The following ROBO2 variants were observed in gnomAD, a reference collection of about 807,000 sequenced individuals.
ROBO2 encodes the protein roundabout guidance receptor 2, also known as roundabout homolog 2.
In ROBO2, 53 loss-of-function variants were observed where a neutral mutation model predicts 160.8. The observed-to-expected ratio is 0.33, with a 90% CI of 0.26 to 0.41. ROBO2 has a LOEUF of 0.41. ROBO2 is among the 10% of genes least tolerant of loss of function. The probability of loss-of-function intolerance (pLI) is 1.00; values close to 1 mark genes in which losing one functional copy is unlikely to be tolerated. For missense variants in ROBO2, 1,577 were observed against 1,722.4 expected (o/e 0.92, Z 1.49); for synonymous variants, 664 against 611.7 (o/e 1.09, Z -1.26).
intron 8 of ROBO2, among the ~76,000 whole-genome samples, chr3:77,552,992 A>G (rs1390057138): frequency 1.3e-5 from 2 of 151,970 alleles, no homozygotes; most frequent in South Asian, 2.1e-4. Flanking sequence ...ATGTTCAGAG[A>G]AAGAAGTGAT....
intron 2 of ROBO2, among the ~76,000 whole-genome samples, chr3:76,615,064 A>G (rs979360480): frequency 6.6e-6 from 1 of 152,140 alleles, no homozygotes; most frequent in Non-Finnish European, 1.5e-5. Context: ...TTCTACCAAT[A>G]GGAAATTAAA....
chr3:75,926,206 G>A (rs1430813446), intron 1 of ROBO2, among the ~76,000 whole-genome samples: 1 of 152,100 alleles, frequency 6.6e-6, no homozygotes, highest in African/African-American at 2.4e-5. Context: ...CCTGCACCTT[G>A]GGAAGGCTCT....
At chr3:76,126,411 C>T (rs986666441) in intron 2 of ROBO2, among the ~76,000 whole-genome samples, 18 of 151,976 alleles carry the variant, frequency 1.2e-4, no homozygotes, top group Admixed American at 2.6e-4. Flanking sequence ...GATAGCATAA[C>T]GCTTATTTAG....
rs149904367 is a variant in ROBO2 at position 77,054,092 on chromosome 3, A to G, written c.61+13246A>G. On this transcript the variant is annotated intron_variant, in intron 1 of 25. Coordinates refer to ENST00000461745, the Ensembl canonical transcript of ROBO2. Reference sequence around the variant, plus strand: ...GGCAGAATAGAAACAAGGTTAGTACAAAGAGAGATTCTTTAGGAAGATGCT... The same window carrying G: ...GGCAGAATAGAAACAAGGTTAGTACGAAGAGAGATTCTTTAGGAAGATGCT... Among the ~76,000 whole-genome samples, 391 of 152,310 alleles carry G rather than the reference A, an allele frequency of 2.6e-3. 1 individual carries two copies. Among genetic ancestry groups the G allele is most frequent in the African/African-American group, 9.1e-3 (378 of 41,584 alleles).
chr3:76,352,949 G>A (rs2074964275), intron 2 of ROBO2, among the ~76,000 whole-genome samples: 1 of 151,988 alleles, frequency 6.6e-6, no homozygotes, highest in South Asian at 2.1e-4. Flanking sequence ...GGAAGAAGGT[G>A]TAGAACAACT....
intron 2 of ROBO2, among the ~76,000 whole-genome samples, chr3:76,061,884 G>T (rs544210729): frequency 6.6e-6 from 1 of 152,106 alleles, no homozygotes; most frequent in Non-Finnish European, 1.5e-5. Flanking sequence ...GGGGCCACCC[G>T]CATTCTTTGG....
intron 2 of ROBO2, among the ~76,000 whole-genome samples, chr3:76,905,932 A>G (rs1055632961): frequency 1.3e-5 from 2 of 152,282 alleles, no homozygotes; most frequent in Non-Finnish European, 2.9e-5. Flanking sequence ...TCATCTCTTA[A>G]TGGCTTTATT....
intron 2 of ROBO2, among the ~76,000 whole-genome samples, chr3:77,450,637 G>T (rs187377768): frequency 7.2e-5 from 11 of 152,112 alleles, no homozygotes; most frequent in Admixed American, 1.3e-4. Context: ...ATTATTTGTG[G>T]ATACTTATAC....
At chr3:76,385,283 C>G (rs951821860) in intron 2 of ROBO2, among the ~76,000 whole-genome samples, 1 of 152,178 alleles carries the variant, frequency 6.6e-6, no homozygotes, top group Non-Finnish European at 1.5e-5. Flanking sequence ...TGAACCATCA[C>G]GCCCAGCCTG....
intron 2 of ROBO2, among the ~76,000 whole-genome samples, chr3:76,642,715 T>C (rs2090758882): frequency 1.3e-5 from 2 of 152,070 alleles, no homozygotes; most frequent in South Asian, 4.1e-4. Context: ...AACATAACCA[T>C]GGAAAAAGAA....
intron 5 of ROBO2, among the ~76,000 whole-genome samples, chr3:77,503,205 A>T (rs887341282): frequency 6.6e-6 from 1 of 151,790 alleles, no homozygotes; most frequent in Admixed American, 6.6e-5. Flanking sequence ...CCCACAAAAA[A>T]TTTTAAATAT....
At chr3:76,384,772 T>A (rs2076800533) in intron 2 of ROBO2, among the ~76,000 whole-genome samples, 1 of 152,052 alleles carries the variant, frequency 6.6e-6, no homozygotes, top group Admixed American at 6.6e-5. Context: ...TCACTTGCTA[T>A]CAAGAGAACA....
chr3:76,103,456 C>G (rs1039029445), intron 2 of ROBO2, among the ~76,000 whole-genome samples: 2 of 152,080 alleles, frequency 1.3e-5, no homozygotes, highest in African/African-American at 4.8e-5. Flanking sequence ...TGCAACGCAC[C>G]CTCTGCTCAC....
intron 2 of ROBO2, among the ~76,000 whole-genome samples, chr3:77,438,475 A>C (rs974629529): frequency 2.6e-5 from 4 of 151,770 alleles, no homozygotes; most frequent in African/African-American, 7.3e-5. Context: ...TTGCCAGAAC[A>C]CTTCAGACTG....
intron 2 of ROBO2, among the ~76,000 whole-genome samples, chr3:76,044,707 G>A (rs2067393144): frequency 6.6e-6 from 1 of 152,020 alleles, no homozygotes. Context: ...AAAACTCATA[G>A]GAATGTGCAA....
At chr3:77,570,356 C>T (rs2093606890) in intron 13 of ROBO2, among the ~76,000 whole-genome samples, 1 of 151,982 alleles carries the variant, frequency 6.6e-6, no homozygotes, top group South Asian at 2.1e-4. Flanking sequence ...CTATTCATCT[C>T]TGTACCCCAA....
chr3:77,263,323 A>T (rs1022212404), intron 2 of ROBO2, among the ~76,000 whole-genome samples: 4 of 152,182 alleles, frequency 2.6e-5, no homozygotes, highest in Middle Eastern at 3.4e-3. Flanking sequence ...GTGTCATGAG[A>T]GTTTGTTGTA....
intron 2 of ROBO2, among the ~76,000 whole-genome samples, chr3:77,286,333 T>G (rs1056512288): frequency 6.8e-6 from 1 of 148,076 alleles, no homozygotes; most frequent in Non-Finnish European, 1.5e-5. Flanking sequence ...CTCTGCTCAC[T>G]GCAACCTCCA....
chr3:76,927,029 G>T (rs766542457), intron 2 of ROBO2, among the ~76,000 whole-genome samples: 1 of 152,080 alleles, frequency 6.6e-6, no homozygotes, highest in East Asian at 1.9e-4. Context: ...GAACACATGA[G>T]ATTACTGACG....
Sources: gnomAD v4.1 joint callset for allele counts (sites outside exome capture counted in the v4.1 genomes callset) on GRCh38, gnomAD v4.1.1 for gene constraint, MANE v1.5 for transcripts, NCBI Gene and HGNC (gene_info 2026-07-23, HGNC 2026-07-21) for gene names.